FBXL16: variants seen among roughly 807,000 people sequenced by gnomAD.
FBXL16 encodes the protein F-box and leucine rich repeat protein 16.
A neutral mutation model predicts 36.7 loss-of-function variants in FBXL16; 7 were observed. That is an observed-to-expected ratio of 0.19 (90% confidence interval 0.11 to 0.36). FBXL16 has a LOEUF of 0.36. Ranked by LOEUF, FBXL16 falls within the 10% of genes least tolerant of loss-of-function variation. The pLI is 1.00. For missense variants in FBXL16, 463 were observed against 659.4 expected (o/e 0.70, Z 3.26); for synonymous variants, 355 against 308.7 (o/e 1.15, Z -1.57).
At chr16:703,699 G>A (rs2040072096) in intron 1 of FBXL16, among the ~76,000 whole-genome samples, 1 of 152,244 alleles carries the variant, frequency 6.6e-6, no homozygotes, top group Non-Finnish European at 1.5e-5. Flanking sequence ...GTGCACCAGG[G>A]GCTCTGAGGA....
At chr16:700,001 G>A (rs2040043935) in intron 1 of FBXL16, among the ~76,000 whole-genome samples, 1 of 152,142 alleles carries the variant, frequency 6.6e-6, no homozygotes, top group Non-Finnish European at 1.5e-5. Flanking sequence ...GCAACCCCAA[G>A]GCCCGCAGCC....
In FBXL16 at chr16:693,923, A is replaced by G; in HGVS notation, c.*352T>C. The G allele has an allele frequency of 6.2e-6, 1 of 161,556 alleles. No homozygotes were observed. The highest frequency in any genetic ancestry group is 1.3e-5 in the Non-Finnish European group (1 of 75,284). The allele number at this position is 161,556 out of a possible 1,614,324, so 10.0% of individuals were successfully genotyped here. ...TGGAGAGCTCAAAGCCCCCCCAAGG[A>G]CCGAGCCCCGCCCCCCAAGCGGGAG... On this transcript the variant is annotated 3_prime_UTR_variant, in exon 6 of 6. Transcript: ENST00000397621.
chr16:694,771 G>A lies in FBXL16; in HGVS notation c.1228-74C>T, dbSNP rs915238607. 8 of 1,483,394 alleles carry A rather than the reference G, an allele frequency of 5.4e-6. No homozygotes were observed. In the East Asian group the frequency reaches 9.8e-5, roughly 18 times the overall value. 91.9% of individuals were successfully genotyped at this position (1,483,394 alleles called of 1,614,324 possible). ...GGAGGGCACCCTGGGGTCCATGGAG[G>A]GCTAGGCGGGTTCAAGCCCGGGGTT... is the stretch of plus-strand genomic sequence containing the variant. On this transcript the variant is annotated intron_variant, in intron 4 of 5. Transcript: ENST00000397621.
rs543438240 is a variant in FBXL16 at position 694,039 on chromosome 16, T to TGTGC, written c.*232_*235dup. 1.4e-3 allele frequency: 299 copies of TGTGC among 208,868 alleles called. 1 individual carries two copies. The highest frequency in any genetic ancestry group is 4.8e-3 in the Middle Eastern group (3 of 626). The allele number at this position is 208,868 out of a possible 1,614,324, so 12.9% of individuals were successfully genotyped here. On this transcript the variant is annotated 3_prime_UTR_variant, in exon 6 of 6. Coordinates refer to ENST00000397621, the MANE Select transcript of FBXL16 (RefSeq NM_153350.4). ...GAGGGGCATGCACAAAGTCCCCGAGTGTGCGTGCGTGCGTGGGGCGGGCCC... is the reference window on the plus strand; with the variant it reads ...GAGGGGCATGCACAAAGTCCCCGAGTGTGCGTGCGTGCGTGCGTGGGGCGGGCCC...
At chr16:704,770 G>A (rs1205809560) in intron 1 of FBXL16, among the ~76,000 whole-genome samples, 1 of 152,238 alleles carries the variant, frequency 6.6e-6, no homozygotes, top group Non-Finnish European at 1.5e-5. Flanking sequence ...TCCTGCGGAG[G>A]GCAGGCTGCC....
At position 697,079 on chromosome 16, in the gene FBXL16, G is replaced by A. The variant is rs1360157150; in HGVS notation, c.327C>T (p.Phe109=). ...CCAGCACACACTTCTCGCAGGCCGA[G>A]AAATACCAGAAGAGCCCATTGAGGA... ...EKILNGLFWY[F]SACEKCVLAQ... The change falls in exon 2 of 6, where the codon TTC becomes TTT. Residue 109 remains phenylalanine, a synonymous_variant. Coordinates refer to ENST00000397621, the MANE Select transcript of FBXL16 (RefSeq NM_153350.4). The surrounding 1 kb of genome is among the most constrained non-coding windows in gnomAD (Gnocchi z 4.6). 7.5e-6 allele frequency: 12 copies of A among 1,606,562 alleles called. No individual in the cohort carries two copies. The highest frequency in any genetic ancestry group is 8.5e-6 in the Non-Finnish European group (10 of 1,176,718).
intron 1 of FBXL16, among the ~76,000 whole-genome samples, chr16:703,312 C>A (rs1596576815): frequency 6.6e-6 from 1 of 152,292 alleles, no homozygotes; most frequent in East Asian, 1.9e-4. Flanking sequence ...GGGAAACCTC[C>A]TCACCCCTCA....
At chr16:696,613 G>T (rs140419009) in intron 2 of FBXL16, among the ~76,000 whole-genome samples, 160 bp downstream of exon 2, 1 of 105,448 alleles carries the variant, frequency 9.5e-6, no homozygotes, top group African/African-American at 3.7e-5. Context: ...AATCTTGAGT[G>T]TCTTTGAACA....
At chr16:695,369 G>A in intron 3 of FBXL16, 46 bp downstream of exon 3, 2 of 1,366,556 alleles carry the variant, frequency 1.5e-6, no homozygotes, top group Non-Finnish European at 1.9e-6. Flanking sequence ...GCCCCGTGCA[G>A]CCCCGCCCGG....
intron 3 of FBXL16, 73 bp from the exon 4 acceptor site, chr16:695,149 G>A (rs1219183160): frequency 1.4e-6 from 2 of 1,472,042 alleles, no homozygotes; most frequent in East Asian, 5.1e-5. Context: ...TCCTGGGAGT[G>A]CCCCTGGCGT....
intron 1 of FBXL16, among the ~76,000 whole-genome samples, chr16:699,064 T>C (rs879659674): frequency 6.6e-5 from 10 of 152,208 alleles, no homozygotes; most frequent in Non-Finnish European, 1.2e-4. Context: ...GTCGCTTTAA[T>C]CTTCTGCCCA....
intron 1 of FBXL16, among the ~76,000 whole-genome samples, chr16:698,856 G>T (rs1335241536): frequency 6.9e-6 from 1 of 144,240 alleles, no homozygotes; most frequent in Non-Finnish European, 1.5e-5. Flanking sequence ...GGAGGTTGCA[G>T]CGAGCCGAGA....
In FBXL16 at chr16:693,810, C is replaced by A. The variant is rs2039988643; in HGVS notation, c.*465G>T. 1 of 152,852 alleles carries A rather than the reference C, an allele frequency of 6.5e-6. No homozygotes were observed. The highest frequency in any genetic ancestry group is 1.5e-5 in the Non-Finnish European group (1 of 68,286). 9.5% of individuals were successfully genotyped at this position (152,852 alleles called of 1,614,324 possible). A position where few individuals can be genotyped will look rare whatever the true frequency, so the allele number is the denominator to read the frequency against. On this transcript the variant is annotated 3_prime_UTR_variant, in exon 6 of 6. Transcript: ENST00000397621. ...GGCCCGTGTCCTGGGGGACCCAGCC[C>A]CCTCAATCCCACTGGGCCCTGCCCG...
At position 693,273 on chromosome 16, in the gene FBXL16, A is replaced by C. The variant is rs766598166; in HGVS notation, c.*1002T>G. ...GATTGGAGTCGCTGACCCAGTGCTG[A>C]CCCTGACCCTTGGCTGGGTCCACTC... On this transcript the variant is annotated 3_prime_UTR_variant, in exon 6 of 6. Transcript: ENST00000397621. 11 of 152,180 alleles carry C rather than the reference A, an allele frequency of 7.2e-5. No individual in the cohort carries two copies. The highest frequency in any genetic ancestry group is 1.2e-4 in the Non-Finnish European group (8 of 68,138). 9.4% of individuals were successfully genotyped at this position (152,180 alleles called of 1,614,324 possible).
Position 697,210 on chromosome 16 carries a change from G to A in FBXL16, c.196C>T (p.Arg66Trp), listed in dbSNP as rs770520626. ...PPPSLAAPLS[R>W]AALAGGPCTP... is the part of the protein sequence containing the mutation. ...CACGGGCCCCCAGCCAGGGCAGCCC[G>A]GGACAGTGGAGCAGCCAGGCTGGGT... Residue 66 changes from arginine to tryptophan, a missense_variant, in exon 2 of 6, where the codon CGG becomes TGG. Around this residue, in one of 3 missense-constraint regions of FBXL16, gnomAD observed 263 missense variants for 341.1 expected, o/e 0.77. Coordinates refer to ENST00000397621, the MANE Select transcript of FBXL16 (RefSeq NM_153350.4). This position sits in a 1 kb window ranked among gnomAD's most constrained non-coding sequence, Gnocchi z 4.6. 69 of 1,524,230 alleles carry A rather than the reference G, an allele frequency of 4.5e-5. No homozygotes were observed. Among genetic ancestry groups the A allele is most frequent in the Non-Finnish European group, 5.3e-5 (60 of 1,141,150 alleles). 94.4% of individuals were successfully genotyped at this position (1,524,230 alleles called of 1,614,324 possible).
At chr16:700,878 C>G (rs1354099690) in intron 1 of FBXL16, among the ~76,000 whole-genome samples, 1 of 152,204 alleles carries the variant, frequency 6.6e-6, no homozygotes, top group East Asian at 1.9e-4. Context: ...GGGGCAGCCC[C>G]GCAATCCCAA....
At position 692,993 on chromosome 16, in the gene FBXL16, A is replaced by C. The variant is rs1259498788; in HGVS notation, c.*1282T>G. Reference sequence around the variant, plus strand: ...CCAACCAGATAGGGAGTGTCCCAAGATTGGGTGTGGGCGCGGTATCTCCTG... The same window carrying C: ...CCAACCAGATAGGGAGTGTCCCAAGCTTGGGTGTGGGCGCGGTATCTCCTG... On this transcript the variant is annotated 3_prime_UTR_variant, in exon 6 of 6. Coordinates refer to ENST00000397621, the MANE Select transcript of FBXL16 (RefSeq NM_153350.4). 6.6e-6 allele frequency: 1 copy of C among 151,978 alleles called. No individual in the cohort carries two copies. Among genetic ancestry groups the C allele is most frequent in the Non-Finnish European group, 1.5e-5 (1 of 67,994 alleles). The allele number at this position is 151,978 out of a possible 1,614,324, so 9.4% of individuals were successfully genotyped here. A position where few individuals can be genotyped will look rare whatever the true frequency, so the allele number is the denominator to read the frequency against.
chr16:705,164 G>C (rs1459853209), intron 1 of FBXL16, among the ~76,000 whole-genome samples: 1 of 152,162 alleles, frequency 6.6e-6, no homozygotes, highest in African/African-American at 2.4e-5. Flanking sequence ...ACTTCGGTCC[G>C]GGGGCGCCCT....
intron 1 of FBXL16, among the ~76,000 whole-genome samples, chr16:702,707 G>C (rs1018764326): frequency 6.6e-6 from 1 of 152,220 alleles, no homozygotes; most frequent in Non-Finnish European, 1.5e-5. Context: ...TCCGCGGGGA[G>C]AGTGGCCTCT....
Sources: gnomAD v4.1 joint callset for allele counts (sites outside exome capture counted in the v4.1 genomes callset) on GRCh38, gnomAD v4.1.1 for gene constraint, gnomAD v4.1.1 regional missense constraint, Gnocchi (gnomAD v3.1) non-coding constraint, MANE v1.5 for transcripts, NCBI Gene and HGNC (gene_info 2026-07-23, HGNC 2026-07-21) for gene names.